Variants in PTPRD observed in about 807,000 individuals in gnomAD.
PTPRD encodes receptor-type tyrosine-protein phosphatase delta.
In PTPRD, 34 loss-of-function variants were observed where a neutral mutation model predicts 214.5. The observed-to-expected ratio is 0.16, with a 90% CI of 0.12 to 0.21. PTPRD has a LOEUF of 0.21. Ranked by LOEUF, PTPRD falls within the 10% of genes least tolerant of loss-of-function variation. The pLI is 1.00. For missense variants in PTPRD, 2,545 were observed against 2,398.7 expected (o/e 1.06, Z -1.27); for synonymous variants, 1,128 against 845.7 (o/e 1.33, Z -5.79).
intron 5 of PTPRD, among the ~76,000 whole-genome samples, chr9:9,816,837 T>A (rs912227915): frequency 1.3e-5 from 2 of 151,958 alleles, no homozygotes; most frequent in African/African-American, 4.8e-5. Context: ...ATCTCTCTTA[T>A]CCTATGCATG....
At chr9:9,383,975 C>A (rs927350091) in intron 9 of PTPRD, among the ~76,000 whole-genome samples, 1 of 151,918 alleles carries the variant, frequency 6.6e-6, no homozygotes, top group African/African-American at 2.4e-5. Flanking sequence ...TTGACCAGAA[C>A]TAAACACAAG....
intron 8 of PTPRD, among the ~76,000 whole-genome samples, chr9:9,412,635 C>T (rs1490155164): frequency 6.6e-6 from 1 of 152,172 alleles, no homozygotes; most frequent in South Asian, 2.1e-4. Flanking sequence ...CTCCAACTTT[C>T]ATCCCAAATT....
rs76234205 is a variant in PTPRD at position 9,123,710 on chromosome 9, C to T, written c.-143+59594G>A. Reference sequence around the variant, plus strand: ...GAACAAAAGGGTGTAGCTTGCTTTACTTTACATCAAATTATACGAGAAAAT... The same window carrying T: ...GAACAAAAGGGTGTAGCTTGCTTTATTTTACATCAAATTATACGAGAAAAT... On this transcript the variant is annotated intron_variant, in intron 10 of 45. Coordinates refer to ENST00000381196, the MANE Select transcript of PTPRD (RefSeq NM_002839.4). Among the ~76,000 whole-genome samples, 1,302 of 152,194 alleles carry T rather than the reference C, an allele frequency of 8.6e-3. 19 individuals are homozygous for T. Among genetic ancestry groups the T allele is most frequent in the African/African-American group, 0.03 (1,235 of 41,546 alleles).
chr9:8,668,353 C>CA (rs1240363074), intron 12 of PTPRD, among the ~76,000 whole-genome samples: 1 of 152,156 alleles, frequency 6.6e-6, no homozygotes, highest in Non-Finnish European at 1.5e-5. Flanking sequence ...ATTCAATTTG[C>CA]AAACTCAGCC....
At chr9:8,462,258 A>T (rs1330584854) in intron 32 of PTPRD, among the ~76,000 whole-genome samples, 1 of 151,936 alleles carries the variant, frequency 6.6e-6, no homozygotes, top group East Asian at 1.9e-4. Context: ...CCTTACAGAA[A>T]AAAGGAATAG....
chr9:9,543,537 A>G (rs1450999592), intron 8 of PTPRD, among the ~76,000 whole-genome samples: 1 of 151,640 alleles, frequency 6.6e-6, no homozygotes, highest in Admixed American at 6.6e-5. Context: ...CTTAAGATTT[A>G]CTAAGTTTTC....
chr9:8,508,276 C>T (rs1414936697), intron 21 of PTPRD, among the ~76,000 whole-genome samples: 2 of 152,178 alleles, frequency 1.3e-5, no homozygotes, highest in Non-Finnish European at 2.9e-5. Flanking sequence ...AAAGTCTATT[C>T]AGTTTAAAAC....
chr9:10,459,450 G>T (rs2098942435), intron 2 of PTPRD, among the ~76,000 whole-genome samples: 1 of 152,058 alleles, frequency 6.6e-6, no homozygotes, highest in African/African-American at 2.4e-5. Flanking sequence ...GGTATTACTG[G>T]TTCTAGATCC....
intron 3 of PTPRD, among the ~76,000 whole-genome samples, chr9:10,288,608 G>T (rs1007203619): frequency 6.6e-6 from 1 of 152,148 alleles, no homozygotes; most frequent in Non-Finnish European, 1.5e-5. Flanking sequence ...GGAAAGAACA[G>T]CAGGAGAATT....
chr9:9,823,226 C>T (rs780946399), intron 5 of PTPRD, among the ~76,000 whole-genome samples: 2 of 152,036 alleles, frequency 1.3e-5, no homozygotes, highest in Non-Finnish European at 2.9e-5. Flanking sequence ...AAGCACAGTG[C>T]CTCCATCTGC....
At chr9:9,482,130 G>A (rs1257332295) in intron 8 of PTPRD, among the ~76,000 whole-genome samples, 4 of 151,986 alleles carry the variant, frequency 2.6e-5, no homozygotes, top group Non-Finnish European at 5.9e-5. Context: ...GTACAGACAG[G>A]TGGGCGAGGT....
intron 9 of PTPRD, among the ~76,000 whole-genome samples, chr9:9,224,086 G>A (rs10816066): frequency 0.28 from 41,782 of 151,828 alleles, 5,915 homozygotes; most frequent in East Asian, 0.34. Context: ...ACTACTCAAA[G>A]ATTAACTTTA....
At chr9:9,579,650 T>C (rs1248327501) in intron 7 of PTPRD, among the ~76,000 whole-genome samples, 2 of 152,086 alleles carry the variant, frequency 1.3e-5, no homozygotes. Context: ...TCAGCTACAG[T>C]TGAGTTTTAA....
intron 10 of PTPRD, among the ~76,000 whole-genome samples, chr9:9,077,331 T>A (rs2154417185): frequency 6.6e-6 from 1 of 152,092 alleles, no homozygotes; most frequent in Admixed American, 6.6e-5. Flanking sequence ...GGGTGTATAT[T>A]TCTCCATAGT....
intron 14 of PTPRD, among the ~76,000 whole-genome samples, chr9:8,607,130 TA>T (rs1310546980): frequency 6.6e-6 from 1 of 152,162 alleles, no homozygotes; most frequent in Admixed American, 6.6e-5. Context: ...ATGGTGAGTA[TA>T]GTTAATATTA....
intron 14 of PTPRD, among the ~76,000 whole-genome samples, chr9:8,534,299 G>C (rs778607553): frequency 6.6e-6 from 1 of 151,736 alleles, no homozygotes; most frequent in Non-Finnish European, 1.5e-5. Flanking sequence ...AATAGAACAC[G>C]TATCTATATT....
chr9:10,416,308 A>G (rs925002153), intron 2 of PTPRD, among the ~76,000 whole-genome samples: 4 of 151,884 alleles, frequency 2.6e-5, no homozygotes, highest in Non-Finnish European at 5.9e-5. Flanking sequence ...GCAGTGAGCC[A>G]AGATAGTACC....
rs1182410244 is a variant in PTPRD, at chr9:9,958,823, C to T, written c.-471-20213G>A. On this transcript the variant is annotated intron_variant, in intron 4 of 45. Coordinates refer to ENST00000381196, the MANE Select transcript of PTPRD (RefSeq NM_002839.4). ...ATCATAAAACCTCACACCTATTAGA[C>T]ACTACTATACCTATTAGAAGGGTGA... 2.0e-5 allele frequency among the ~76,000 whole-genome samples: 3 copies of T among 152,146 alleles called. No homozygotes were observed. The East Asian group carries it at 5.8e-4, about 29-fold the overall frequency.
intron 7 of PTPRD, among the ~76,000 whole-genome samples, chr9:9,590,353 A>G (rs601868): frequency 0.26 from 39,746 of 151,876 alleles, 6,130 homozygotes; most frequent in Non-Finnish European, 0.35. Flanking sequence ...CATAGTGGGT[A>G]CTTAATAAAT....
Sources: gnomAD v4.1 joint callset for allele counts (sites outside exome capture counted in the v4.1 genomes callset) on GRCh38, gnomAD v4.1.1 for gene constraint, MANE v1.5 for transcripts, NCBI Gene and HGNC (gene_info 2026-07-23, HGNC 2026-07-21) for gene names.